REV3L: variants seen among roughly 807,000 people sequenced by gnomAD.
REV3L encodes DNA polymerase zeta catalytic subunit.
A neutral mutation model predicts 299.4 loss-of-function variants in REV3L; 69 were observed. The ratio of observed to expected loss-of-function variants is 0.23; its 90% CI spans 0.19 to 0.28. The LOEUF is 0.28. REV3L is among the 10% of genes least tolerant of loss of function. The pLI is 1.00. For missense variants in REV3L, 3,128 were observed against 3,693.8 expected, an observed-to-expected ratio of 0.85 and a Z score of 3.97; for synonymous variants, 1,238 against 1,271.4, an observed-to-expected ratio of 0.97 and a Z score of 0.56.
At chr6:111,361,617 ACT>A (rs929938683) in intron 16 of REV3L, 7 of 151,888 alleles carry the variant, frequency 4.6e-5, no homozygotes, top group Admixed American at 3.3e-4. Context: ...TTTAAAGCAA[ACT>A]ATATAAAGAC....
chr6:111,415,176 T>C (rs1175647457), intron 2 of REV3L, among the ~76,000 whole-genome samples: 1 of 152,200 alleles, frequency 6.6e-6, no homozygotes, highest in Non-Finnish European at 1.5e-5. Context: ...AAAGGCTTTA[T>C]TAAAACACAA....
chr6:111,311,545 A>ATT, intron 28 of REV3L: 1 of 215,942 alleles, frequency 4.6e-6, no homozygotes. Context: ...AAACACGTTA[A>ATT]GTTTTTTTTT....
At chr6:111,450,600 T>C (rs932389868) in intron 1 of REV3L, among the ~76,000 whole-genome samples, 2 of 149,576 alleles carry the variant, frequency 1.3e-5, no homozygotes, top group African/African-American at 4.9e-5. Flanking sequence ...CTATATACAA[T>C]TACCAAAAAA....
chr6:111,414,003 CTCAT>C (rs1345224028), intron 2 of REV3L, among the ~76,000 whole-genome samples: 1 of 151,994 alleles, frequency 6.6e-6, no homozygotes, highest in Non-Finnish European at 1.5e-5. Flanking sequence ...AAACTTTCAC[CTCAT>C]TCATTTATCC....
chr6:111,326,772 T>C (rs1774871958), intron 25 of REV3L, among the ~76,000 whole-genome samples: 1 of 151,634 alleles, frequency 6.6e-6, no homozygotes, highest in Non-Finnish European at 1.5e-5. Flanking sequence ...TGGAATATCA[T>C]ACAGCCATAA....
intron 5 of REV3L, among the ~76,000 whole-genome samples, 156 bp from the exon 6 acceptor site, chr6:111,390,336 T>C (rs1781792269): frequency 6.6e-6 from 1 of 152,178 alleles, no homozygotes; most frequent in Non-Finnish European, 1.5e-5. Context: ...TTTATATGTA[T>C]ATATAATGAA....
intron 1 of REV3L, among the ~76,000 whole-genome samples, chr6:111,420,090 C>G (rs1339185359): frequency 6.6e-6 from 1 of 152,212 alleles, no homozygotes; most frequent in Non-Finnish European, 1.5e-5. Context: ...CATGATCCAC[C>G]TGCCTCGGCC....
chr6:111,433,109 TAGAC>T (rs1787142717), intron 1 of REV3L, among the ~76,000 whole-genome samples: 1 of 151,784 alleles, frequency 6.6e-6, no homozygotes, highest in South Asian at 2.1e-4. Flanking sequence ...AGACTTCAAA[TAGAC>T]AACCTAATGG....
chr6:111,359,687 T>G (rs867714953), intron 16 of REV3L, among the ~76,000 whole-genome samples: 1 of 152,180 alleles, frequency 6.6e-6, no homozygotes, highest in South Asian at 2.1e-4. Context: ...ATTCTTAGTT[T>G]TCTTTCTAAA....
At chr6:111,366,209 G>GT (rs1256815907) in intron 14 of REV3L, among the ~76,000 whole-genome samples, 10 of 152,266 alleles carry the variant, frequency 6.6e-5, no homozygotes, top group Non-Finnish European at 1.5e-5. Context: ...GGAAGTGGTG[G>GT]TGAATGTATG....
rs537150334 is a variant in REV3L, at chr6:111,422,318, A to ATGCTATAGACAGAGTTGAGCAGT, written c.140-5869_140-5847dup. The stretch of plus-strand genomic sequence containing the variant: ...CATTTAGAATGGTCTATGGCTGCTT[A>ATGCTATAGACAGAGTTGAGCAGT]TGCTATAGACAGAGTTGAGCAGTTG... On this transcript the variant is annotated intron_variant, in intron 1 of 31. Transcript: ENST00000368802. Among the ~76,000 whole-genome samples, 11 of 152,130 alleles carry ATGCTATAGACAGAGTTGAGCAGT rather than the reference A, an allele frequency of 7.2e-5. No homozygotes were observed. In the South Asian group the frequency reaches 2.3e-3, roughly 32 times the overall value.
chr6:111,367,182 T>G lies in REV3L; in HGVS notation c.6606A>C (p.Thr2202=). 6.2e-7 allele frequency: 1 copy of G among 1,613,706 alleles called. No homozygotes were observed. The highest frequency in any genetic ancestry group is 8.5e-7 in the Non-Finnish European group (1 of 1,179,848). The change falls in exon 14 of 32, where the codon ACA becomes ACC. Residue 2202 remains threonine, a synonymous_variant. Transcript: ENST00000368802. ...CCAGAAGTTTTCTCTGTATGATTGG[T>G]GTACTATGAAAGCAAAGTGATTCAC... ...GKCESLCFHS[T]PIIQRKLLER... is the part of the protein sequence containing the mutation.
rs772055596 is a variant in REV3L at position 111,373,910 on chromosome 6, T to C, written c.4445A>G (p.Asp1482Gly). ...WEQKQRGFIL[D>G]MSNFKPERVK... ...TCTTTCAGGTTTAAAATTTGACATA[T>C]CTAAAATAAAGCCCCTTTGCTTTTG... Residue 1482 changes from aspartate to glycine, a missense_variant, in exon 13 of 32, where the codon GAT (aspartate) becomes GGT (glycine). By Grantham distance (94) the Asp-to-Gly change is moderately conservative. This residue lies in a region of REV3L where 2,409 missense variants were observed against 2,611.8 expected (regional missense o/e 0.92). Coordinates refer to ENST00000368802, the MANE Select transcript of REV3L (RefSeq NM_001372078.1). 8.1e-6 allele frequency: 13 copies of C among 1,614,080 alleles called. No individual in the cohort carries two copies. The highest frequency in any genetic ancestry group is 1.1e-5 in the South Asian group (1 of 91,070).
At chr6:111,461,296 A>G (rs1366350475) in intron 1 of REV3L, among the ~76,000 whole-genome samples, 1 of 152,124 alleles carries the variant, frequency 6.6e-6, no homozygotes, top group Non-Finnish European at 1.5e-5. Flanking sequence ...TTTGCGTCTT[A>G]GTTTTTAACA....
chr6:111,464,633 A>G (rs1791203974), intron 1 of REV3L, among the ~76,000 whole-genome samples: 1 of 152,196 alleles, frequency 6.6e-6, no homozygotes, highest in African/African-American at 2.4e-5. Flanking sequence ...AGAAATGAAT[A>G]GAAACAACAA....
intron 27 of REV3L, among the ~76,000 whole-genome samples, chr6:111,313,811 C>T (rs148150134): frequency 3.3e-5 from 5 of 152,316 alleles, no homozygotes; most frequent in South Asian, 2.1e-4. Flanking sequence ...CCTGCTTCCC[C>T]GTATTTCCAT....
chr6:111,408,502 G>A (rs1783883003), intron 3 of REV3L, among the ~76,000 whole-genome samples: 1 of 152,114 alleles, frequency 6.6e-6, no homozygotes, highest in African/African-American at 2.4e-5. Context: ...TACTCAGGAG[G>A]CTGAGGCAGG....
Position 111,311,220 on chromosome 6 carries a change from C to A in REV3L, c.8644G>T (p.Asp2882Tyr). Reference sequence around the variant, plus strand: ...ACATACTGTTTAATTAGACTTATATCTCTCGTTTCAAATAGCAGCTTTAGA... The same window carrying A: ...ACATACTGTTTAATTAGACTTATATATCTCGTTTCAAATAGCAGCTTTAGA... The part of the protein sequence containing the change: ...RSLKLLFETR[D>Y]ISLIKQYVQR... Residue 2882 changes from aspartate to tyrosine, a missense_variant, in exon 29 of 32, where the codon GAT becomes TAT. Asp to Tyr is a radical substitution (Grantham distance 160). Transcript: ENST00000368802. 1 of 1,611,250 alleles carries A rather than the reference C, an allele frequency of 6.2e-7. No homozygotes were observed. Among genetic ancestry groups the A allele is most frequent in the Non-Finnish European group, 8.5e-7 (1 of 1,178,822 alleles).
intron 10 of REV3L, 97 bp downstream of exon 10, chr6:111,381,228 T>C: frequency 2.4e-6 from 3 of 1,251,758 alleles, no homozygotes; most frequent in Non-Finnish European, 3.4e-6. Context: ...CATGCAACAT[T>C]TACCTCTTCA....
Sources: gnomAD v4.1 joint callset for allele counts (sites outside exome capture counted in the v4.1 genomes callset) on GRCh38, gnomAD v4.1.1 for gene constraint, gnomAD v4.1.1 regional missense constraint, MANE v1.5 for transcripts, NCBI Gene and HGNC (gene_info 2026-07-23, HGNC 2026-07-21) for gene names.